The following GRID1 variants were observed in gnomAD, a reference collection of about 807,000 sequenced individuals.
The protein encoded by GRID1 is glutamate receptor ionotropic, delta-1.
Under a neutral mutation model 98.0 loss-of-function variants are expected in GRID1, and 28 were observed. The ratio of observed to expected loss-of-function variants is 0.29; its 90% CI spans 0.21 to 0.39. The LOEUF is 0.39. Ranked by LOEUF, GRID1 falls within the 10% of genes least tolerant of loss-of-function variation. The probability of loss-of-function intolerance (pLI) is 1.00; values close to 1 mark genes in which losing one functional copy is unlikely to be tolerated. For missense variants in GRID1, 1,111 were observed against 1,340.5 expected (o/e 0.83, Z 2.67); for synonymous variants, 553 against 538.5 (o/e 1.03, Z -0.37).
intron 4 of GRID1, among the ~76,000 whole-genome samples, chr10:86,008,762 T>C (rs1028058481): frequency 6.6e-6 from 1 of 152,126 alleles, no homozygotes; most frequent in African/African-American, 2.4e-5. Context: ...AGTATGTAAA[T>C]CAAGAACATC....
intron 4 of GRID1, among the ~76,000 whole-genome samples, chr10:85,942,771 T>C (rs1842011009): frequency 6.6e-6 from 1 of 152,190 alleles, no homozygotes; most frequent in Admixed American, 6.5e-5. Context: ...TCCTATGTGT[T>C]GCCTGAATAC....
chr10:85,898,391 G>C (rs1205802968), intron 5 of GRID1, among the ~76,000 whole-genome samples: 1 of 151,764 alleles, frequency 6.6e-6, no homozygotes, highest in Non-Finnish European at 1.5e-5. Context: ...CTAAACATAG[G>C]CAACACTAAA....
chr10:85,752,145 G>A, intron 8 of GRID1, among the ~76,000 whole-genome samples: 1 of 152,194 alleles, frequency 6.6e-6, no homozygotes, highest in Non-Finnish European at 1.5e-5. Context: ...TAAGACCAAA[G>A]CACATACAAT....
At chr10:85,623,152 A>G (rs557909471) in intron 13 of GRID1, among the ~76,000 whole-genome samples, 3 of 152,304 alleles carry the variant, frequency 2.0e-5, no homozygotes, top group South Asian at 4.1e-4. Context: ...CATGCTGAGT[A>G]AAAGGCAGTG....
chr10:86,103,206 C>T (rs927479077), intron 4 of GRID1, among the ~76,000 whole-genome samples: 33 of 152,282 alleles, frequency 2.2e-4, no homozygotes, highest in African/African-American at 7.5e-4. Context: ...TGACCACACC[C>T]CTCACTGGTC....
rs80164437 is a variant in GRID1 at position 85,907,489 on chromosome 10, C to A, written c.780+8697G>T. Among the ~76,000 whole-genome samples, 1,409 of 152,262 alleles carry A rather than the reference C, an allele frequency of 9.3e-3. 29 individuals are homozygous for A. Among genetic ancestry groups the A allele is most frequent in the African/African-American group, 0.032 (1,328 of 41,542 alleles). ...ACAAATTACCAAACTTACTTGAGAA[C>A]AAATAGATAGCTCTATCTCTAATAC... On this transcript the variant is annotated intron_variant, in intron 5 of 15. Transcript: ENST00000327946.
intron 4 of GRID1, among the ~76,000 whole-genome samples, chr10:86,116,603 T>C (rs1033329625): frequency 6.6e-6 from 1 of 152,164 alleles, no homozygotes; most frequent in Non-Finnish European, 1.5e-5. Flanking sequence ...GACTCATCTA[T>C]TTCCAGAGGT....
At chr10:86,261,552 A>G (rs1199502028) in intron 2 of GRID1, among the ~76,000 whole-genome samples, 1 of 152,192 alleles carries the variant, frequency 6.6e-6, no homozygotes, top group Non-Finnish European at 1.5e-5. Context: ...GCTAGGACCC[A>G]TATTCCTGCC....
rs1279193087 is a variant in GRID1, at chr10:86,118,649, G to A, written c.726+20170C>T. On this transcript the variant is annotated intron_variant, in intron 4 of 15. Transcript: ENST00000327946. ...GATCTTTCCAAAGAGGGCAGCATGG[G>A]GGAACAAAGGGTCATTTTTTAGTGG... Among the ~76,000 whole-genome samples the A allele has an allele frequency of 2.6e-5, 4 of 152,218 alleles. No homozygotes were observed. In the East Asian group the frequency reaches 7.7e-4, roughly 29 times the overall value.
chr10:86,056,663 G>C (rs542769854), intron 4 of GRID1, among the ~76,000 whole-genome samples: 26 of 152,336 alleles, frequency 1.7e-4, no homozygotes, highest in African/African-American at 6.0e-4. Flanking sequence ...CCGCCCACCA[G>C]CATCATTGAG....
chr10:86,300,450 G>C (rs1435404329), intron 2 of GRID1, among the ~76,000 whole-genome samples: 4 of 136,838 alleles, frequency 2.9e-5, no homozygotes, highest in African/African-American at 5.4e-5. Context: ...CTGGGTGACA[G>C]AGCCAGAGGG....
chr10:85,605,143 A>G (rs1842642283), intron 15 of GRID1, among the ~76,000 whole-genome samples: 1 of 152,222 alleles, frequency 6.6e-6, no homozygotes, highest in African/African-American at 2.4e-5. Flanking sequence ...CTTGCCCAGC[A>G]TCAAGCCTGC....
chr10:86,330,122 A>C (rs1053359418), intron 2 of GRID1, among the ~76,000 whole-genome samples: 7 of 151,854 alleles, frequency 4.6e-5, no homozygotes, highest in African/African-American at 1.7e-4. Context: ...TGACTCCCCC[A>C]GGGCAGGAGC....
intron 4 of GRID1, among the ~76,000 whole-genome samples, chr10:86,042,922 CA>C (rs1843367174): frequency 1.3e-5 from 2 of 151,892 alleles, no homozygotes; most frequent in African/African-American, 4.8e-5. Flanking sequence ...CCCATCTCTA[CA>C]AAAAAGTAAA....
At chr10:86,078,574 C>T (rs1380114949) in intron 4 of GRID1, among the ~76,000 whole-genome samples, 1 of 152,208 alleles carries the variant, frequency 6.6e-6, no homozygotes. Context: ...TTCTCAAAAG[C>T]CTTGCTTCCT....
chr10:86,349,858 G>A (rs954699213), intron 2 of GRID1, among the ~76,000 whole-genome samples: 1 of 152,224 alleles, frequency 6.6e-6, no homozygotes, highest in Non-Finnish European at 1.5e-5. Flanking sequence ...GGACTTGGCA[G>A]TAAACAAGAC....
intron 8 of GRID1, among the ~76,000 whole-genome samples, chr10:85,730,243 T>C (rs1193902997): frequency 6.6e-6 from 1 of 152,168 alleles, no homozygotes; most frequent in East Asian, 1.9e-4. Flanking sequence ...GTATATCCAA[T>C]AGCCAGAGGC....
intron 4 of GRID1, among the ~76,000 whole-genome samples, chr10:85,948,762 G>A (rs1323559233): frequency 6.6e-6 from 1 of 151,900 alleles, no homozygotes; most frequent in Non-Finnish European, 1.5e-5. Flanking sequence ...AAAAGATCCT[G>A]TTTTTTTGAC....
intron 2 of GRID1, among the ~76,000 whole-genome samples, chr10:86,253,548 G>A (rs975810304): frequency 2.6e-5 from 4 of 152,078 alleles, no homozygotes; most frequent in African/African-American, 7.2e-5. Flanking sequence ...CAGCCCATCC[G>A]AACACTCCTC....
Sources: allele counts gnomAD v4.1 joint callset (sites outside exome capture counted in the v4.1 genomes callset), GRCh38; gene constraint gnomAD v4.1.1; transcripts MANE v1.5; gene names NCBI Gene and HGNC (gene_info 2026-07-23, HGNC 2026-07-21).